Variants in DPP6 observed in about 807,000 individuals in gnomAD.
DPP6 encodes the protein A-type potassium channel modulatory protein DPP6.
In DPP6, 69 loss-of-function variants were observed where a neutral mutation model predicts 122.6. The ratio of observed to expected loss-of-function variants is 0.56; its 90% CI spans 0.46 to 0.69. The LOEUF (loss-of-function observed/expected upper bound fraction) is 0.69. Ranked by LOEUF, DPP6 falls within the 30% of genes least tolerant of loss-of-function variation. The pLI, the probability that DPP6 is intolerant of heterozygous loss-of-function variation, is 0.00. For synonymous variants in DPP6, 418 were observed against 433.1 expected (o/e 0.97, Z 0.43); for missense variants, 928 against 1,116.9 (o/e 0.83, Z 2.41).
At chr7:154,582,389 G>A (rs1832130192) in intron 5 of DPP6, among the ~76,000 whole-genome samples, 1 of 152,210 alleles carries the variant, frequency 6.6e-6, no homozygotes, top group African/African-American at 2.4e-5. Context: ...CCATTTATCT[G>A]ACCCATTGGG....
chr7:153,799,213 G>A, the DPP6 span, among the ~76,000 whole-genome samples: 1 of 152,302 alleles, frequency 6.6e-6, no homozygotes, highest in South Asian at 2.1e-4. Context: ...CACCTTCACA[G>A]TTGATGGAAT....
At chr7:154,716,403 A>G (rs544014079) in intron 7 of DPP6, among the ~76,000 whole-genome samples, 3 of 152,188 alleles carry the variant, frequency 2.0e-5, no homozygotes, top group South Asian at 2.1e-4. Flanking sequence ...AGTCCCCTAA[A>G]TGCATCAGAT....
At chr7:154,255,164 C>T (rs1395812705) in intron 1 of DPP6, among the ~76,000 whole-genome samples, 4 of 152,042 alleles carry the variant, frequency 2.6e-5, no homozygotes, top group African/African-American at 7.2e-5. Flanking sequence ...AGGGTCCGTC[C>T]GAGGGGTGGA....
intron 1 of DPP6, among the ~76,000 whole-genome samples, chr7:154,301,411 C>T (rs1436010830): frequency 6.6e-6 from 1 of 152,120 alleles, no homozygotes; most frequent in Non-Finnish European, 1.5e-5. Flanking sequence ...GCTTTTCCTG[C>T]AGCCCGTAGT....
chr7:153,950,659 T>C (rs1363358143), intron 1 of DPP6, among the ~76,000 whole-genome samples: 2 of 152,148 alleles, frequency 1.3e-5, no homozygotes, highest in Non-Finnish European at 2.9e-5. Context: ...TAGCATTGCT[T>C]ACAGAGAGAG....
At chr7:154,553,002 C>T (rs767627821) in intron 4 of DPP6, among the ~76,000 whole-genome samples, 1 of 152,148 alleles carries the variant, frequency 6.6e-6, no homozygotes, top group South Asian at 2.1e-4. Flanking sequence ...CAAGATGTCA[C>T]CATGCATCAC....
At chr7:154,626,023 C>T (rs1835046727) in intron 5 of DPP6, among the ~76,000 whole-genome samples, 1 of 152,078 alleles carries the variant, frequency 6.6e-6, no homozygotes, top group Non-Finnish European at 1.5e-5. Flanking sequence ...TGGTGTGAAG[C>T]TCGGATACCT....
intron 1 of DPP6, among the ~76,000 whole-genome samples, chr7:154,374,048 AT>A: frequency 6.6e-6 from 1 of 152,288 alleles, no homozygotes; most frequent in South Asian, 2.1e-4. Flanking sequence ...AAACCAGCCT[AT>A]TTTCACACAG....
At chr7:154,254,442 T>C (rs1004444457) in intron 1 of DPP6, among the ~76,000 whole-genome samples, 1 of 152,202 alleles carries the variant, frequency 6.6e-6, no homozygotes, top group African/African-American at 2.4e-5. Context: ...TGATAGCATG[T>C]GTCATAGCCC....
intron 4 of DPP6, among the ~76,000 whole-genome samples, chr7:154,541,093 G>A (rs74827979): frequency 1.6e-3 from 246 of 152,234 alleles, no homozygotes; most frequent in Non-Finnish European, 2.4e-3. Flanking sequence ...CAATATGAAT[G>A]CCACTGCTTT....
At chr7:153,939,077 C>T (rs1273274515) in intron 1 of DPP6, among the ~76,000 whole-genome samples, 1 of 152,098 alleles carries the variant, frequency 6.6e-6, no homozygotes, top group Non-Finnish European at 1.5e-5. Flanking sequence ...TTGCTACAAT[C>T]AGAAAAATCA....
chr7:154,794,259 G>C lies in DPP6; in HGVS notation c.1260+57G>C, dbSNP rs954173741. The C allele has an allele frequency of 1.9e-5, 29 of 1,504,138 alleles. No individual in the cohort carries two copies. The Admixed American group carries it at 4.4e-4, about 23-fold the overall frequency. 93.2% of individuals were successfully genotyped at this position (1,504,138 alleles called of 1,614,324 possible). ...GGGTGAAGAACCGATGGTCAGACGC[G>C]CCCGAGGTGGCGCCAGAGTCGTCTC... is the stretch of plus-strand genomic sequence containing the variant. On this transcript the variant is annotated intron_variant, in intron 11 of 25. Coordinates refer to ENST00000377770, the MANE Select transcript of DPP6 (RefSeq NM_130797.4).
intron 1 of DPP6, among the ~76,000 whole-genome samples, chr7:153,892,712 G>C (rs1048839264): frequency 6.6e-6 from 1 of 152,062 alleles, no homozygotes; most frequent in South Asian, 2.1e-4. Flanking sequence ...TGGTCACTTG[G>C]TAACAAAATG....
chr7:154,440,582 T>C (rs1819286721), intron 1 of DPP6, among the ~76,000 whole-genome samples: 1 of 152,202 alleles, frequency 6.6e-6, no homozygotes, highest in South Asian at 2.1e-4. Flanking sequence ...TTTAAAGCTA[T>C]CAATTACCTA....
the DPP6 span, among the ~76,000 whole-genome samples, chr7:153,856,600 A>G: frequency 4.6e-5 from 7 of 152,174 alleles, no homozygotes; most frequent in African/African-American, 1.7e-4. Context: ...TTACTGTGGG[A>G]TTTCATATCT....
chr7:153,955,677 G>A (rs1469559959), intron 1 of DPP6, among the ~76,000 whole-genome samples: 3 of 152,094 alleles, frequency 2.0e-5, no homozygotes, highest in East Asian at 1.9e-4. Flanking sequence ...GAGCTCAGGC[G>A]ATCCACCCAC....
the DPP6 span, among the ~76,000 whole-genome samples, chr7:153,814,205 C>A: frequency 6.6e-6 from 1 of 150,612 alleles, no homozygotes. Flanking sequence ...TGATAGACCA[C>A]TAGCAAGACT....
intron 1 of DPP6, among the ~76,000 whole-genome samples, chr7:154,413,669 A>C (rs1308097782): frequency 1.3e-5 from 2 of 152,176 alleles, no homozygotes; most frequent in African/African-American, 4.8e-5. Context: ...TTCATTGTTT[A>C]TCATTGGACT....
chr7:154,539,216 C>T (rs985728372), intron 3 of DPP6, among the ~76,000 whole-genome samples: 3 of 152,182 alleles, frequency 2.0e-5, no homozygotes, highest in African/African-American at 7.2e-5. Flanking sequence ...GCCTCTCAAC[C>T]TGCAACCCTA....
Sources: allele counts gnomAD v4.1 joint callset (sites outside exome capture counted in the v4.1 genomes callset), GRCh38; gene constraint gnomAD v4.1.1; transcripts MANE v1.5; gene names NCBI Gene and HGNC (gene_info 2026-07-23, HGNC 2026-07-21).